The following SHROOM3 variants were observed in gnomAD, a reference collection of about 807,000 sequenced individuals.
SHROOM3 encodes shroom family member 3.
SHROOM3 carries 47 observed loss-of-function variants against 138.6 expected under a neutral mutation model. The ratio of observed to expected loss-of-function variants is 0.34; its 90% CI spans 0.27 to 0.43. SHROOM3 has a LOEUF of 0.43. Among genes scored for constraint, SHROOM3 ranks in the 20% least tolerant of loss-of-function variants. The pLI is 1.00. For synonymous variants in SHROOM3, 1,062 were observed against 1,063.3 expected (o/e 1.00, Z 0.02); for missense variants, 2,491 against 2,596.5 (o/e 0.96, Z 0.88).
At chr4:76,496,866 AC>A (rs1219239511) in intron 1 of SHROOM3, among the ~76,000 whole-genome samples, 1 of 152,108 alleles carries the variant, frequency 6.6e-6, no homozygotes, top group Non-Finnish European at 1.5e-5. Context: ...CTCTCAAAGC[AC>A]CTTATTCCCC....
chr4:76,589,544 GC>G (rs1036112462), intron 2 of SHROOM3, among the ~76,000 whole-genome samples: 12 of 152,150 alleles, frequency 7.9e-5, no homozygotes, highest in African/African-American at 2.4e-4. Context: ...TGGAAGCCTG[GC>G]TTTAAAGCAA....
chr4:76,719,464 G>A (rs11734394), intron 3 of SHROOM3, among the ~76,000 whole-genome samples: 62,328 of 152,090 alleles, frequency 0.41, 13,854 homozygotes, highest in African/African-American at 0.57. Context: ...ATGCTGTGCT[G>A]TTCTTTTGTA....
chr4:76,665,525 C>T (rs1335409281), intron 2 of SHROOM3, among the ~76,000 whole-genome samples: 1 of 152,204 alleles, frequency 6.6e-6, no homozygotes, highest in Non-Finnish European at 1.5e-5. Context: ...CAAGGCTTTG[C>T]CTGGAGTCCT....
chr4:76,518,593 G>GCCTGCCTGCCTGCCTGCCTC (rs1732497499), intron 1 of SHROOM3, among the ~76,000 whole-genome samples: 1 of 150,978 alleles, frequency 6.6e-6, no homozygotes, highest in African/African-American at 2.4e-5. Context: ...CTGCCTGCCT[G>GCCTGCCTGCCTGCCTGCCTC]CCTGTGTTAA....
intron 1 of SHROOM3, among the ~76,000 whole-genome samples, chr4:76,485,687 G>A (rs938668129): frequency 2.6e-5 from 4 of 152,142 alleles, no homozygotes; most frequent in Non-Finnish European, 5.9e-5. Flanking sequence ...GAGGCTTTAT[G>A]TATCGCCTCT....
At chr4:76,778,142 A>T (rs1722630619) in intron 10 of SHROOM3, among the ~76,000 whole-genome samples, 1 of 152,126 alleles carries the variant, frequency 6.6e-6, no homozygotes, top group African/African-American at 2.4e-5. Context: ...ACAATTTCCC[A>T]GGTGATGCCA....
intron 1 of SHROOM3, among the ~76,000 whole-genome samples, chr4:76,500,174 C>T (rs564471221): frequency 1.3e-5 from 2 of 152,288 alleles, no homozygotes; most frequent in East Asian, 1.9e-4. Flanking sequence ...TCTATACCCT[C>T]CTCTTCTCCC....
intron 1 of SHROOM3, among the ~76,000 whole-genome samples, chr4:76,535,072 G>C (rs533657586): frequency 6.6e-6 from 1 of 152,108 alleles, no homozygotes; most frequent in African/African-American, 2.4e-5. Flanking sequence ...AACACACATA[G>C]CACTTCCAGT....
intron 1 of SHROOM3, among the ~76,000 whole-genome samples, chr4:76,532,742 G>A (rs68076093): frequency 0.45 from 69,062 of 152,006 alleles, 15,912 homozygotes; most frequent in South Asian, 0.56. Context: ...AGCAACCTCA[G>A]CGTACATTTT....
intron 1 of SHROOM3, among the ~76,000 whole-genome samples, chr4:76,440,133 A>G (rs2109963050): frequency 6.6e-6 from 1 of 152,322 alleles, no homozygotes; most frequent in South Asian, 2.1e-4. Flanking sequence ...ATAAACAACA[A>G]CAGCAGCAAC....
chr4:76,663,817 G>A (rs573474942), intron 2 of SHROOM3, among the ~76,000 whole-genome samples: 19 of 152,334 alleles, frequency 1.2e-4, no homozygotes, highest in African/African-American at 4.3e-4. Flanking sequence ...ACTTTCTGCA[G>A]TGTAACAGTT....
chr4:76,495,547 A>G (rs1264574420), intron 1 of SHROOM3, among the ~76,000 whole-genome samples: 5 of 152,152 alleles, frequency 3.3e-5, no homozygotes, highest in Admixed American at 2.0e-4. Context: ...TCATTGCCCT[A>G]TAGGATTCTC....
intron 10 of SHROOM3, among the ~76,000 whole-genome samples, chr4:76,771,804 G>A (rs867708087): frequency 1.3e-5 from 2 of 152,146 alleles, no homozygotes; most frequent in African/African-American, 2.4e-5. Context: ...TTGTATCACC[G>A]CATTGAACAG....
Position 76,552,908 on chromosome 4 carries a change from C to A in SHROOM3, c.169-2701C>A, listed in dbSNP as rs57586658. Among the ~76,000 whole-genome samples the A allele has an allele frequency of 5.8e-3, 884 of 152,178 alleles. 12 individuals carry two copies. Among genetic ancestry groups the A allele is most frequent in the African/African-American group, 0.02 (835 of 41,500 alleles). ...TATAAGTATCCATTGGCATGTGACC[C>A]AGATCGAGCCTTATTTTCCTGTTTC... On this transcript the variant is annotated intron_variant, in intron 1 of 10. Coordinates refer to ENST00000296043, the MANE Select transcript of SHROOM3 (RefSeq NM_020859.4).
intron 2 of SHROOM3, among the ~76,000 whole-genome samples, chr4:76,627,595 A>C (rs1735182969): frequency 6.6e-6 from 1 of 152,150 alleles, no homozygotes; most frequent in South Asian, 2.1e-4. Context: ...TGTCTTCCTA[A>C]AATTATCCAC....
chr4:76,637,910 G>A (rs1735546055), intron 2 of SHROOM3, among the ~76,000 whole-genome samples: 1 of 152,144 alleles, frequency 6.6e-6, no homozygotes, highest in African/African-American at 2.4e-5. Context: ...CCTCCTAGAG[G>A]TCAGGTCTGG....
intron 2 of SHROOM3, among the ~76,000 whole-genome samples, chr4:76,642,805 G>C (rs909595148): frequency 6.6e-6 from 1 of 152,102 alleles, no homozygotes; most frequent in Non-Finnish European, 1.5e-5. Context: ...GATCTGGGTG[G>C]GGGAGGAGGG....
chr4:76,435,333 TTC>T lies in SHROOM3; in HGVS notation c.-719_-718del, dbSNP rs1360463933. 6.6e-6 allele frequency: 1 copy of T among 152,246 alleles called. No individual in the cohort carries two copies. Among genetic ancestry groups the T allele is most frequent in the Non-Finnish European group, 1.5e-5 (1 of 68,034 alleles). 9.4% of individuals were successfully genotyped at this position (152,246 alleles called of 1,614,324 possible). ...AACTGAGCTGCCTCCTTCATATTTTTTCCATTGAGGATTAATTTACCGTGCTT... is the reference window on the plus strand; with the variant it reads ...AACTGAGCTGCCTCCTTCATATTTTTCATTGAGGATTAATTTACCGTGCTT... On this transcript the variant is annotated 5_prime_UTR_variant, in exon 1 of 11. Coordinates refer to ENST00000296043, the MANE Select transcript of SHROOM3 (RefSeq NM_020859.4).
intron 2 of SHROOM3, among the ~76,000 whole-genome samples, chr4:76,648,600 A>C (rs542677503): frequency 1.5e-4 from 23 of 152,222 alleles, no homozygotes; most frequent in Admixed American, 1.2e-3. Flanking sequence ...GCTTTGAAAG[A>C]GCTCACTACT....
Sources: allele counts gnomAD v4.1 joint callset (sites outside exome capture counted in the v4.1 genomes callset), GRCh38; gene constraint gnomAD v4.1.1; transcripts MANE v1.5; gene names NCBI Gene and HGNC (gene_info 2026-07-23, HGNC 2026-07-21).